The following DHODH variants were observed in gnomAD, a reference collection of about 807,000 sequenced individuals.
The protein encoded by DHODH is dihydroorotate dehydrogenase (quinone).
DHODH carries 30 observed loss-of-function variants against 39.7 expected under a neutral mutation model. The ratio of observed to expected loss-of-function variants is 0.76; its 90% CI spans 0.57 to 1.02. The LOEUF (loss-of-function observed/expected upper bound fraction) is 1.02, where lower values mean the gene tolerates loss of function less well. Ranked by LOEUF, DHODH falls within the 50% of genes least tolerant of loss-of-function variation. The pLI, the probability that DHODH is intolerant of heterozygous loss-of-function variation, is 0.00. For synonymous variants in DHODH, 222 were observed against 213.8 expected (o/e 1.04, Z -0.34); for missense variants, 531 against 520.8 (o/e 1.02, Z -0.19).
At chr16:72,017,607 A>G (rs1055072639) in intron 4 of DHODH, among the ~76,000 whole-genome samples, 17 of 152,218 alleles carry the variant, frequency 1.1e-4, no homozygotes, top group African/African-American at 3.9e-4. Flanking sequence ...AATATTCTTC[A>G]TGAGTTGTTT....
chr16:72,010,445 C>G (rs1311156121), intron 1 of DHODH, among the ~76,000 whole-genome samples: 1 of 152,194 alleles, frequency 6.6e-6, no homozygotes, highest in Non-Finnish European at 1.5e-5. Flanking sequence ...TTACCTTATA[C>G]TTTTTATCCT....
intron 5 of DHODH, 147 bp downstream of exon 5, chr16:72,021,458 A>G (rs1443008661): frequency 5.1e-6 from 4 of 790,302 alleles, no homozygotes; most frequent in Non-Finnish European, 8.4e-6. Context: ...ACCTTCCCAG[A>G]GTCCCCTCTG....
At chr16:72,021,853 C>A (rs2041221004) in intron 5 of DHODH, among the ~76,000 whole-genome samples, 1 of 152,020 alleles carries the variant, frequency 6.6e-6, no homozygotes, top group Non-Finnish European at 1.5e-5. Flanking sequence ...GCCCCAGCTA[C>A]TTGGAGGCCG....
At chr16:72,009,217 T>G (rs917542458) in intron 1 of DHODH, 6 of 904,770 alleles carry the variant, frequency 6.6e-6, no homozygotes, top group African/African-American at 1.8e-5. Context: ...TAATAGGTGT[T>G]CAGAGGCCGG....
intron 1 of DHODH, among the ~76,000 whole-genome samples, chr16:72,010,364 T>G (rs2041069511): frequency 1.3e-5 from 2 of 152,238 alleles, no homozygotes; most frequent in Admixed American, 6.5e-5. Flanking sequence ...GTTTATCCCT[T>G]GAGTATCAGC....
At chr16:72,022,737 C>T (rs939881305) in intron 6 of DHODH, among the ~76,000 whole-genome samples, 3 of 152,334 alleles carry the variant, frequency 2.0e-5, no homozygotes, top group Admixed American at 2.0e-4. Flanking sequence ...GGCTCCTTGG[C>T]CAGTCTTGAC....
intron 8 of DHODH, 148 bp downstream of exon 8, chr16:72,023,781 A>T: frequency 8.5e-7 from 1 of 1,179,072 alleles, no homozygotes; most frequent in Non-Finnish European, 1.2e-6. Flanking sequence ...ATTCTGGGTT[A>T]CTCTTTTGAT....
chr16:72,014,470 C>T lies in DHODH; in HGVS notation c.235-3C>T. On this transcript the variant is annotated splice_region_variant and splice_polypyrimidine_tract_variant and intron_variant, in intron 2 of 8. Coordinates refer to ENST00000219240, the MANE Select transcript of DHODH (RefSeq NM_001361.5). ...GCCTCTGACTTTGTCTTCCTCTTCCCAGGAAGTGAGAGTTCTGGGCCATAA... is the reference window on the plus strand; with the variant it reads ...GCCTCTGACTTTGTCTTCCTCTTCCTAGGAAGTGAGAGTTCTGGGCCATAA... 1.9e-6 allele frequency: 3 copies of T among 1,614,022 alleles called. No individual in the cohort carries two copies. Among genetic ancestry groups the T allele is most frequent in the Non-Finnish European group, 2.5e-6 (3 of 1,179,906 alleles).
chr16:72,021,435 G>GA (rs1184317064), intron 5 of DHODH, 124 bp downstream of exon 5: 19 of 1,037,098 alleles, frequency 1.8e-5, no homozygotes, highest in Non-Finnish European at 2.6e-5. Context: ...AGACCAGTAG[G>GA]ACCCCTGGCT....
intron 4 of DHODH, among the ~76,000 whole-genome samples, chr16:72,017,567 T>C (rs1325676075): frequency 1.3e-5 from 2 of 152,148 alleles, no homozygotes; most frequent in East Asian, 3.8e-4. Context: ...TCCTCCCTAC[T>C]CAAGGCTAAC....
chr16:72,027,475 C>G lies in DHODH; in HGVS notation c.*3276C>G, dbSNP rs1296548506. 1 of 152,170 alleles carries G rather than the reference C, an allele frequency of 6.6e-6. No homozygotes were observed. Among genetic ancestry groups the G allele is most frequent in the Admixed American group, 6.5e-5 (1 of 15,270 alleles). The allele number at this position is 152,170 out of a possible 1,614,324, so 9.4% of individuals were successfully genotyped here. A position where few individuals can be genotyped will look rare whatever the true frequency, so the allele number is the denominator to read the frequency against. ...TAATGCTGGAAGCCACACTCAGACA[C>G]CAGAGCAGCTCTCAATGCTGGGAAT... On this transcript the variant is annotated 3_prime_UTR_variant, in exon 9 of 9. Coordinates refer to ENST00000219240, the MANE Select transcript of DHODH (RefSeq NM_001361.5).
At chr16:72,022,007 C>T (rs1295700751) in intron 5 of DHODH, among the ~76,000 whole-genome samples, 1 of 150,768 alleles carries the variant, frequency 6.6e-6, no homozygotes, top group Non-Finnish European at 1.5e-5. Context: ...GTGGAAGGAT[C>T]GCCTGAGCCC....
Position 72,025,478 on chromosome 16 carries a change from C to T in DHODH, c.*1279C>T, listed in dbSNP as rs2041268702. On this transcript the variant is annotated 3_prime_UTR_variant, in exon 9 of 9. Coordinates refer to ENST00000219240, the MANE Select transcript of DHODH (RefSeq NM_001361.5). ...TGGGCCTCGGTCTTTTGAGTGGGGT[C>T]TGTTTACCCAGTCCCCTGTTGGTGA... 6.6e-6 allele frequency: 1 copy of T among 152,222 alleles called. No individual in the cohort carries two copies. Among genetic ancestry groups the T allele is most frequent in the South Asian group, 2.1e-4 (1 of 4,828 alleles). 9.4% of individuals were successfully genotyped at this position (152,222 alleles called of 1,614,324 possible).
At chr16:72,015,418 T>C (rs549077722) in intron 3 of DHODH, among the ~76,000 whole-genome samples, 4 of 152,376 alleles carry the variant, frequency 2.6e-5, no homozygotes, top group Admixed American at 6.5e-5. Flanking sequence ...CCTTCTAGAC[T>C]GTATAAAGCC....
intron 4 of DHODH, chr16:72,020,279 AAAAAAC>A (rs1267820818): frequency 2.0e-5 from 3 of 147,922 alleles, no homozygotes; most frequent in Non-Finnish European, 1.5e-5. Flanking sequence ...ATCTCAAAAA[AAAAAAC>A]AAAAAACATT....
At position 72,020,984 on chromosome 16, in the gene DHODH, C is replaced by T. The variant is rs1158509386; in HGVS notation, c.518-140C>T. On this transcript the variant is annotated intron_variant, in intron 4 of 8. Transcript: ENST00000219240. ...GGCGGGCCCAGGCCGCAGTTGAGCA[C>T]CTGTCAGCCGGTGTCGGGCAGGTCA... The T allele has an allele frequency of 5.9e-6, 5 of 852,916 alleles. No homozygotes were observed. In the East Asian group the frequency reaches 1.1e-4, roughly 18 times the overall value. 52.8% of individuals were successfully genotyped at this position (852,916 alleles called of 1,614,324 possible).
intron 4 of DHODH, among the ~76,000 whole-genome samples, chr16:72,018,238 A>G (rs913090129): frequency 6.6e-6 from 1 of 151,968 alleles, no homozygotes; most frequent in African/African-American, 2.4e-5. Context: ...AGTAGCGACC[A>G]TTTTCTTCTT....
intron 1 of DHODH, among the ~76,000 whole-genome samples, chr16:72,009,995 G>A (rs922764273): frequency 2.0e-4 from 31 of 152,156 alleles, no homozygotes; most frequent in African/African-American, 6.7e-4. Flanking sequence ...GGATCTTCCC[G>A]CCTCAGCCTC....
rs180755493 is a variant in DHODH at position 72,024,582 on chromosome 16, G to A, written c.*383G>A. ...AGGTCCATCCAGGCCTCTGCTATCT[G>A]CATCTGCAGTGGGCTTCCCAGGAAC... On this transcript the variant is annotated 3_prime_UTR_variant, in exon 9 of 9. Transcript: ENST00000219240. The A allele has an allele frequency of 1.3e-3, 316 of 239,332 alleles. 1 individual carries two copies. The highest frequency in any genetic ancestry group is 7.6e-3 in the Middle Eastern group (5 of 654). The allele number at this position is 239,332 out of a possible 1,614,324, so 14.8% of individuals were successfully genotyped here.
Sources: allele counts gnomAD v4.1 joint callset (sites outside exome capture counted in the v4.1 genomes callset), GRCh38; gene constraint gnomAD v4.1.1; transcripts MANE v1.5; gene names NCBI Gene and HGNC (gene_info 2026-07-23, HGNC 2026-07-21).